CLIC4: variants seen among roughly 807,000 people sequenced by gnomAD.
CLIC4 encodes chloride intracellular channel protein 4.
CLIC4 carries 13 observed loss-of-function variants against 24.6 expected under a neutral mutation model. The ratio of observed to expected loss-of-function variants is 0.53; its 90% CI spans 0.34 to 0.84. The LOEUF is 0.84. Ranked by LOEUF, CLIC4 falls within the 40% of genes least tolerant of loss-of-function variation. The probability of loss-of-function intolerance (pLI) is 0.01; values close to 1 mark genes in which losing one functional copy is unlikely to be tolerated. For synonymous variants in CLIC4, 104 were observed against 111.3 expected, an observed-to-expected ratio of 0.93 and a Z score of 0.41; for missense variants, 227 against 301.7, an observed-to-expected ratio of 0.75 and a Z score of 1.83.
intron 4 of CLIC4, among the ~76,000 whole-genome samples, chr1:24,830,544 A>T (rs1639829956): frequency 6.6e-6 from 1 of 151,986 alleles, no homozygotes; most frequent in African/African-American, 2.4e-5. Context: ...TGTGCATTTT[A>T]AATTTTGCTC....
chr1:24,748,745 T>A (rs1298880037), intron 1 of CLIC4, among the ~76,000 whole-genome samples: 1 of 151,994 alleles, frequency 6.6e-6, no homozygotes, highest in Non-Finnish European at 1.5e-5. Context: ...GTGATCTGCC[T>A]GCCTTGGCCT....
intron 2 of CLIC4, among the ~76,000 whole-genome samples, chr1:24,810,060 G>A (rs1341584106): frequency 1.3e-5 from 2 of 152,048 alleles, no homozygotes; most frequent in African/African-American, 4.8e-5. Flanking sequence ...GATTTTCTTT[G>A]CTGAAATGTT....
chr1:24,757,790 C>G (rs1638870280), intron 1 of CLIC4, among the ~76,000 whole-genome samples: 1 of 151,122 alleles, frequency 6.6e-6, no homozygotes, highest in Non-Finnish European at 1.5e-5. Context: ...TTTTTTGAGA[C>G]ACAGTCTTCC....
At chr1:24,829,059 T>C (rs1639814614) in intron 4 of CLIC4, among the ~76,000 whole-genome samples, 1 of 152,312 alleles carries the variant, frequency 6.6e-6, no homozygotes, top group African/African-American at 2.4e-5. Flanking sequence ...CAAATGCCTT[T>C]AGTAGTCCTA....
intron 2 of CLIC4, 192 bp downstream of exon 2, chr1:24,798,043 G>A (rs913224723): frequency 6.7e-6 from 3 of 444,812 alleles, no homozygotes; most frequent in Non-Finnish European, 1.2e-5. Context: ...TGGCTACTCA[G>A]TCTTTTTTAG....
intron 1 of CLIC4, among the ~76,000 whole-genome samples, chr1:24,748,349 C>CA (rs1339509187): frequency 2.0e-5 from 3 of 152,052 alleles, no homozygotes; most frequent in Non-Finnish European, 4.4e-5. Flanking sequence ...GGGTTCAAGT[C>CA]ACAGTTCTTT....
chr1:24,763,408 C>G (rs185285912), intron 1 of CLIC4, among the ~76,000 whole-genome samples: 1 of 151,650 alleles, frequency 6.6e-6, no homozygotes. Context: ...GGCGTTGTGG[C>G]GCATGCTTGT....
intron 2 of CLIC4, among the ~76,000 whole-genome samples, chr1:24,798,926 C>T (rs1439298375): frequency 6.6e-6 from 1 of 152,262 alleles, no homozygotes; most frequent in Admixed American, 6.5e-5. Context: ...GGATTGCAGA[C>T]GGAGTCTGGT....
At chr1:24,784,409 A>G (rs1349752839) in intron 1 of CLIC4, among the ~76,000 whole-genome samples, 1 of 152,202 alleles carries the variant, frequency 6.6e-6, no homozygotes, top group Non-Finnish European at 1.5e-5. Flanking sequence ...AGTGGTCTTA[A>G]CCACCATTCT....
intron 3 of CLIC4, among the ~76,000 whole-genome samples, chr1:24,821,897 T>C (rs1639738698): frequency 6.6e-6 from 1 of 152,152 alleles, no homozygotes; most frequent in Non-Finnish European, 1.5e-5. Flanking sequence ...GGGATTGTTT[T>C]TGATGCTGCT....
At chr1:24,758,178 C>CT (rs1638874816) in intron 1 of CLIC4, among the ~76,000 whole-genome samples, 1 of 151,994 alleles carries the variant, frequency 6.6e-6, no homozygotes, top group African/African-American at 2.4e-5. Flanking sequence ...AAAAAAGTGT[C>CT]TTTTTTCCAG....
intron 2 of CLIC4, among the ~76,000 whole-genome samples, chr1:24,799,779 C>A (rs1443608955): frequency 3.6e-5 from 4 of 112,058 alleles, no homozygotes; most frequent in Admixed American, 8.0e-5. Context: ...GGCCAGCTGC[C>A]CCGTCTGGGA....
At chr1:24,831,450 G>T (rs1639839804) in intron 4 of CLIC4, among the ~76,000 whole-genome samples, 1 of 152,022 alleles carries the variant, frequency 6.6e-6, no homozygotes, top group Non-Finnish European at 1.5e-5. Context: ...TTTAGAGCAG[G>T]TCTAAGGTTA....
intron 3 of CLIC4, among the ~76,000 whole-genome samples, chr1:24,822,338 A>ATTCTTC (rs1214647136): frequency 8.2e-6 from 1 of 121,462 alleles, no homozygotes; most frequent in African/African-American, 3.4e-5. Context: ...AATTCAGTGA[A>ATTCTTC]TTCTTTTTTT....
intron 1 of CLIC4, among the ~76,000 whole-genome samples, chr1:24,785,853 T>TAAA (rs1261170353): frequency 9.8e-5 from 1 of 10,200 alleles, no homozygotes; most frequent in African/African-American, 4.3e-4. Flanking sequence ...AGACTACAAC[T>TAAA]CAAAAAAAAA....
chr1:24,754,247 C>G lies in CLIC4; in HGVS notation c.72+8622C>G, dbSNP rs575685812. ...CTTTGAGCCTAGGAGACTGAGCACA[C>G]GAAAAGCTTAACAGAGTATGAATAA... On this transcript the variant is annotated intron_variant, in intron 1 of 5. Coordinates refer to ENST00000374379, the MANE Select transcript of CLIC4 (RefSeq NM_013943.3). Among the ~76,000 whole-genome samples the G allele has an allele frequency of 2.6e-5, 4 of 152,096 alleles. No homozygotes were observed. In the East Asian group the frequency reaches 5.8e-4, roughly 22 times the overall value.
intron 2 of CLIC4, among the ~76,000 whole-genome samples, chr1:24,802,985 A>G (rs1266340613): frequency 6.6e-6 from 1 of 152,202 alleles, no homozygotes; most frequent in Non-Finnish European, 1.5e-5. Flanking sequence ...CTGGGATTAC[A>G]GACTTTAGCC....
intron 1 of CLIC4, among the ~76,000 whole-genome samples, chr1:24,747,982 G>T (rs1457506629): frequency 6.8e-6 from 1 of 147,662 alleles, no homozygotes; most frequent in Admixed American, 6.9e-5. Context: ...CCAAGATCAA[G>T]TCACTGCACT....
chr1:24,839,363 T>G lies in CLIC4; in HGVS notation c.416-497T>G, dbSNP rs369275170. Among the ~76,000 whole-genome samples, 30 of 152,264 alleles carry G rather than the reference T, an allele frequency of 2.0e-4. No individual in the cohort carries two copies. The East Asian group carries it at 3.5e-3, about 18-fold the overall frequency. On this transcript the variant is annotated intron_variant, in intron 4 of 5. Transcript: ENST00000374379. ...CGCCCAGGCTGGAGTGCAGTGGTGC[T>G]ATCTCGGCTCACTGCAAGCTCGGCC...
Sources: allele counts gnomAD v4.1 joint callset (sites outside exome capture counted in the v4.1 genomes callset), GRCh38; gene constraint gnomAD v4.1.1; transcripts MANE v1.5; gene names NCBI Gene and HGNC (gene_info 2026-07-23, HGNC 2026-07-21).